The following EPC1 variants were observed in gnomAD, a reference collection of about 807,000 sequenced individuals.
EPC1 encodes the protein enhancer of polycomb homolog 1.
A neutral mutation model predicts 98.4 loss-of-function variants in EPC1; 12 were observed. That is an observed-to-expected ratio of 0.12 (90% CI 0.08 to 0.20). The LOEUF (loss-of-function observed/expected upper bound fraction) is 0.20. Ranked by LOEUF, EPC1 falls within the 10% of genes least tolerant of loss-of-function variation. EPC1 has a pLI of 1.00. For missense variants in EPC1, 729 were observed against 990.5 expected, an observed-to-expected ratio of 0.74 and a Z score of 3.54; for synonymous variants, 357 against 363.9, an observed-to-expected ratio of 0.98 and a Z score of 0.21.
chr10:32,310,418 G>A (rs1836139965), intron 1 of EPC1, among the ~76,000 whole-genome samples: 1 of 152,152 alleles, frequency 6.6e-6, no homozygotes. Context: ...ATGGCAGCTA[G>A]TCTATACCTT....
intron 1 of EPC1, among the ~76,000 whole-genome samples, chr10:32,375,559 C>G (rs1457499627): frequency 6.6e-6 from 1 of 151,942 alleles, no homozygotes. Context: ...TTTATTGTTT[C>G]TAATTTGATT....
intron 3 of EPC1, 39 bp from the exon 4 acceptor site, chr10:32,293,233 C>T: frequency 7.0e-7 from 1 of 1,426,832 alleles, no homozygotes; most frequent in East Asian, 2.3e-5. Context: ...ATACAATACA[C>T]ATACAAGGTT....
intron 6 of EPC1, among the ~76,000 whole-genome samples, chr10:32,288,317 T>TTC: frequency 8.6e-6 from 1 of 115,746 alleles, no homozygotes; most frequent in African/African-American, 2.9e-5. Context: ...TTTTTCTTTT[T>TTC]TTTTTTTTTT....
chr10:32,343,851 T>C (rs1402855996), intron 1 of EPC1, among the ~76,000 whole-genome samples: 1 of 152,224 alleles, frequency 6.6e-6, no homozygotes, highest in Non-Finnish European at 1.5e-5. Flanking sequence ...TTCTGTCAAG[T>C]ATATCCAGAA....
intron 1 of EPC1, among the ~76,000 whole-genome samples, chr10:32,366,070 T>C (rs1592641173): frequency 6.6e-6 from 1 of 151,626 alleles, no homozygotes; most frequent in South Asian, 2.1e-4. Flanking sequence ...GAAGAGGAGG[T>C]TGCAGTGAGC....
intron 1 of EPC1, among the ~76,000 whole-genome samples, chr10:32,307,756 GT>G (rs961619774): frequency 6.6e-6 from 1 of 152,180 alleles, no homozygotes; most frequent in African/African-American, 2.4e-5. Flanking sequence ...GTGTATGTCA[GT>G]TACATGCGTG....
At chr10:32,277,015 C>G (rs1836138948) in intron 10 of EPC1, among the ~76,000 whole-genome samples, 1 of 152,038 alleles carries the variant, frequency 6.6e-6, no homozygotes, top group Admixed American at 6.6e-5. Flanking sequence ...ACAACCTCAT[C>G]TAGAGATGAA....
At position 32,307,032 on chromosome 10, in the gene EPC1, T is replaced by A. The variant is rs1278996691; in HGVS notation, c.154-1101A>T. ...TTAAATATGTAAAGGAATATATATA[T>A]TCCTATATAAATGGATATAAGATAT... On this transcript the variant is annotated intron_variant, in intron 1 of 13. Coordinates refer to ENST00000319778, the MANE Select transcript of EPC1 (RefSeq NM_001272004.3). Among the ~76,000 whole-genome samples, 3 of 152,182 alleles carry A rather than the reference T, an allele frequency of 2.0e-5. No individual in the cohort carries two copies. In the East Asian group the frequency reaches 5.8e-4, roughly 29 times the overall value.
chr10:32,285,944 G>A (rs910091400), intron 9 of EPC1: 5 of 152,060 alleles, frequency 3.3e-5, no homozygotes, highest in Admixed American at 6.6e-5. Context: ...TTAGTGCCTA[G>A]ATAATTCTTA....
upstream of EPC1, among the ~76,000 whole-genome samples, chr10:32,351,457 G>A (rs748137772): frequency 6.6e-6 from 1 of 151,932 alleles, no homozygotes; most frequent in African/African-American, 2.4e-5. Flanking sequence ...AGGAGTTCAC[G>A]ACCAGCCTGG....
intron 1 of EPC1, among the ~76,000 whole-genome samples, chr10:32,343,270 G>A (rs968140238): frequency 3.9e-5 from 6 of 152,088 alleles, no homozygotes; most frequent in African/African-American, 1.2e-4. Flanking sequence ...GAGTGCAGTG[G>A]GGGGATCTCA....
intron 1 of EPC1, among the ~76,000 whole-genome samples, chr10:32,316,104 T>C (rs1836534254): frequency 1.3e-5 from 2 of 152,212 alleles, no homozygotes. Flanking sequence ...CAAGTTTTTG[T>C]TTCAATGTCA....
At chr10:32,343,287 T>C (rs534025336) in intron 1 of EPC1, among the ~76,000 whole-genome samples, 1 of 152,332 alleles carries the variant, frequency 6.6e-6, no homozygotes, top group African/African-American at 2.4e-5. Flanking sequence ...CTCAGCTCTC[T>C]GCAACTTCCA....
intron 1 of EPC1, among the ~76,000 whole-genome samples, chr10:32,341,647 T>G (rs1216582329): frequency 1.3e-5 from 2 of 152,232 alleles, no homozygotes; most frequent in Non-Finnish European, 2.9e-5. Flanking sequence ...AATGGTATAC[T>G]GAAACAAAAG....
At chr10:32,318,609 C>A (rs1486208781) in intron 1 of EPC1, among the ~76,000 whole-genome samples, 8 of 152,194 alleles carry the variant, frequency 5.3e-5, no homozygotes. Context: ...CATGACTCTC[C>A]AAATCTGTTC....
intron 1 of EPC1, among the ~76,000 whole-genome samples, chr10:32,362,044 A>AT (rs905425093): frequency 1.6e-4 from 24 of 152,140 alleles, no homozygotes; most frequent in African/African-American, 5.8e-4. Context: ...AAATAAGGAG[A>AT]TTTTTAGCAG....
At chr10:32,298,033 G>A (rs1390046145) in intron 2 of EPC1, among the ~76,000 whole-genome samples, 1 of 151,892 alleles carries the variant, frequency 6.6e-6, no homozygotes, top group Non-Finnish European at 1.5e-5. Flanking sequence ...TCCTGACCTC[G>A]TGATCTGCCC....
At chr10:32,358,270 C>T (rs1839337939) in intron 1 of EPC1, among the ~76,000 whole-genome samples, 1 of 152,184 alleles carries the variant, frequency 6.6e-6, no homozygotes, top group African/African-American at 2.4e-5. Context: ...GAATTACCCT[C>T]TTAAAGTATA....
At chr10:32,285,403 T>C (rs1371744848) in intron 9 of EPC1, 1 of 212,394 alleles carries the variant, frequency 4.7e-6, no homozygotes, top group Non-Finnish European at 9.4e-6. Context: ...AAACATAGTA[T>C]ACCATTAACA....
Sources: gnomAD v4.1 joint callset for allele counts (sites outside exome capture counted in the v4.1 genomes callset) on GRCh38, gnomAD v4.1.1 for gene constraint, MANE v1.5 for transcripts, NCBI Gene and HGNC (gene_info 2026-07-23, HGNC 2026-07-21) for gene names.